PTPRU: variants seen among roughly 807,000 people sequenced by gnomAD.
The protein encoded by PTPRU is protein tyrosine phosphatase receptor type U.
A neutral mutation model predicts 166.3 loss-of-function variants in PTPRU; 69 were observed. That is an observed-to-expected ratio of 0.41 (90% CI 0.34 to 0.51). The LOEUF (loss-of-function observed/expected upper bound fraction) is 0.51, where lower values mean the gene tolerates loss of function less well. PTPRU is among the 20% of genes least tolerant of loss of function. The pLI is 0.09. For missense variants in PTPRU, 1,657 were observed against 2,013.7 expected (o/e 0.82, Z 3.39); for synonymous variants, 793 against 814.0 (o/e 0.97, Z 0.44).
intron 2 of PTPRU, among the ~76,000 whole-genome samples, chr1:29,258,089 C>T (rs1443332757): frequency 1.3e-5 from 2 of 152,114 alleles, no homozygotes; most frequent in Non-Finnish European, 2.9e-5. Flanking sequence ...TTCAGCCTCC[C>T]GAGTAGCTGG....
intron 7 of PTPRU, among the ~76,000 whole-genome samples, chr1:29,266,288 C>T (rs940258573): frequency 3.3e-5 from 5 of 151,998 alleles, no homozygotes; most frequent in Non-Finnish European, 5.9e-5. Flanking sequence ...CATGAGCCAC[C>T]GCGCCTGGCC....
At chr1:29,245,256 T>C (rs1684242547) in intron 1 of PTPRU, among the ~76,000 whole-genome samples, 2 of 152,166 alleles carry the variant, frequency 1.3e-5, no homozygotes, top group Admixed American at 1.3e-4. Flanking sequence ...TGGCCTATCC[T>C]GTGGGTGGCA....
intron 15 of PTPRU, among the ~76,000 whole-genome samples, chr1:29,301,706 T>C (rs1687141403): frequency 6.6e-6 from 1 of 152,108 alleles, no homozygotes; most frequent in South Asian, 2.1e-4. Flanking sequence ...TTACATTAGG[T>C]ATATCTCCTA....
rs772830059 is a variant in PTPRU, at chr1:29,237,537, G to A, written c.73+820G>A. Among the ~76,000 whole-genome samples, 96 of 151,956 alleles carry A rather than the reference G, an allele frequency of 6.3e-4. No individual in the cohort carries two copies. Among genetic ancestry groups the A allele is most frequent in the Non-Finnish European group, 1.1e-3 (74 of 67,884 alleles). Reference sequence around the variant, plus strand: ...CCCTGGTCCCGGGGCCGCCCGAGGGGGCGGTGGCAGGACGTGTGTGCGCGC... The same window carrying A: ...CCCTGGTCCCGGGGCCGCCCGAGGGAGCGGTGGCAGGACGTGTGTGCGCGC... On this transcript the variant is annotated intron_variant, in intron 1 of 29. Coordinates refer to ENST00000373779, the MANE Select transcript of PTPRU (RefSeq NM_133178.4). This position sits in a 1 kb window ranked among gnomAD's most constrained non-coding sequence, Gnocchi z 6.4.
At position 29,236,583 on chromosome 1, in the gene PTPRU, C is replaced by G; in HGVS notation, c.-62C>G. On this transcript the variant is annotated 5_prime_UTR_variant, in exon 1 of 30. Coordinates refer to ENST00000373779, the MANE Select transcript of PTPRU (RefSeq NM_133178.4). The surrounding 1 kb of genome is among the most constrained non-coding windows in gnomAD (Gnocchi z 4.6). The stretch of plus-strand genomic sequence containing the variant: ...GGGCTCCGGCTCGCCTCGGGCTGGG[C>G]TCGGGCTCCGGGGGCGGCGTCCCCC... The G allele has an allele frequency of 1.7e-6, 2 of 1,169,856 alleles. No individual in the cohort carries two copies. Among genetic ancestry groups the G allele is most frequent in the South Asian group, 4.2e-5 (1 of 23,884 alleles). The allele number at this position is 1,169,856 out of a possible 1,614,324, so 72.5% of individuals were successfully genotyped here. A position where few individuals can be genotyped will look rare whatever the true frequency, so the allele number is the denominator to read the frequency against.
At chr1:29,289,189 G>A (rs1332773549) in intron 14 of PTPRU, among the ~76,000 whole-genome samples, 1 of 152,192 alleles carries the variant, frequency 6.6e-6, no homozygotes, top group Non-Finnish European at 1.5e-5. Context: ...TAGAGAGTAT[G>A]AGTCTGTGTG....
At chr1:29,283,206 T>C (rs1277093640) in intron 12 of PTPRU, among the ~76,000 whole-genome samples, 2 of 145,884 alleles carry the variant, frequency 1.4e-5, no homozygotes, top group Non-Finnish European at 3.0e-5. Flanking sequence ...CTGCCTCCTT[T>C]TGCCCACCTC....
intron 1 of PTPRU, among the ~76,000 whole-genome samples, chr1:29,248,900 C>T (rs555311878): frequency 2.0e-5 from 3 of 152,194 alleles, no homozygotes; most frequent in Non-Finnish European, 4.4e-5. Flanking sequence ...TGCCCACCCT[C>T]ATGCACCTCT....
chr1:29,273,799 C>T (rs951796676), intron 7 of PTPRU, among the ~76,000 whole-genome samples: 3 of 152,100 alleles, frequency 2.0e-5, no homozygotes, highest in Admixed American at 2.0e-4. Context: ...GCTGGGGTAG[C>T]TCGCTCTCTC....
chr1:29,312,366 T>C lies in PTPRU; in HGVS notation c.3073-186T>C, dbSNP rs375676247. 8.5e-5 allele frequency among the ~76,000 whole-genome samples: 13 copies of C among 152,314 alleles called. No individual in the cohort carries two copies. In the East Asian group the frequency reaches 2.5e-3, roughly 29 times the overall value. On this transcript the variant is annotated intron_variant, in intron 21 of 29. Coordinates refer to ENST00000373779, the MANE Select transcript of PTPRU (RefSeq NM_133178.4). ...CTAACCTTGGGAAAGTGGTTTCTCC[T>C]CTTTGAGCCTTAGTTTTCTTGTTTG...
At chr1:29,250,926 T>G (rs1201930745) in intron 1 of PTPRU, among the ~76,000 whole-genome samples, 1 of 152,138 alleles carries the variant, frequency 6.6e-6, no homozygotes, top group African/African-American at 2.4e-5. Context: ...GAGACGGACA[T>G]GGGTCAGGGA....
chr1:29,308,734 T>C (rs763827328), intron 18 of PTPRU, among the ~76,000 whole-genome samples: 1 of 152,076 alleles, frequency 6.6e-6, no homozygotes, highest in East Asian at 1.9e-4. Flanking sequence ...TTAAAAAATA[T>C]ATTTCTTGGC....
chr1:29,282,891 C>A lies in PTPRU; in HGVS notation c.2084C>A (p.Pro695Gln). 6.2e-7 allele frequency: 1 copy of A among 1,614,130 alleles called. No homozygotes were observed. The highest frequency in any genetic ancestry group is 8.5e-7 in the Non-Finnish European group (1 of 1,179,992). The stretch of plus-strand genomic sequence containing the variant: ...ACCTACCGAGGCTTCTGGAACCCAC[C>A]ACTTGAGCCTAGGAAGGCCTATCTC... ...NQTYRGFWNP[P>Q]LEPRKAYLIY... is the part of the protein sequence containing the mutation. The change falls in exon 12 of 30, where the codon CCA (proline) becomes CAA (glutamine). Residue 695 changes from proline to glutamine, a missense_variant. Physicochemically the swap from Pro to Gln is moderately conservative, Grantham distance 76. Transcript: ENST00000373779.
At chr1:29,240,864 A>C (rs1231441256) in intron 1 of PTPRU, among the ~76,000 whole-genome samples, 1 of 110,778 alleles carries the variant, frequency 9.0e-6, no homozygotes, top group East Asian at 3.1e-4. Context: ...CTTAGTCCTC[A>C]GTCCTAGATC....
intron 14 of PTPRU, chr1:29,289,644 C>T (rs529394605): frequency 3.5e-5 from 57 of 1,613,564 alleles, no homozygotes; most frequent in South Asian, 1.4e-4. Context: ...GGACGGACCT[C>T]GGACACAACT....
chr1:29,320,470 C>A lies in PTPRU; in HGVS notation c.3688-215C>A. ...CTTTTGCTGTTTAGTTCTGGGGGGT[C>A]ATGGGCTTGGTCCCCAGAGGCCTGG... On this transcript the variant is annotated intron_variant, in intron 25 of 29. Coordinates refer to ENST00000373779, the MANE Select transcript of PTPRU (RefSeq NM_133178.4). The surrounding 1 kb of genome is among the most constrained non-coding windows in gnomAD (Gnocchi z 5.2). 2.3e-6 allele frequency: 1 copy of A among 434,516 alleles called. No homozygotes were observed. The highest frequency in any genetic ancestry group is 3.5e-5 in the East Asian group (1 of 28,616). The allele number at this position is 434,516 out of a possible 1,614,324, so 26.9% of individuals were successfully genotyped here.
rs565256309 is a variant in PTPRU at position 29,316,180 on chromosome 1, T to A, written c.3513+29T>A. The A allele has an allele frequency of 1.9e-6, 3 of 1,594,538 alleles. No homozygotes were observed. In the Admixed American group the frequency reaches 5.0e-5, roughly 27 times the overall value. Reference sequence around the variant, plus strand: ...GGGGATGAGTGCGTGTGTATAGGTGTGTGTGTGTGTGTCTGTGTGTGTGTT... The same window carrying A: ...GGGGATGAGTGCGTGTGTATAGGTGAGTGTGTGTGTGTCTGTGTGTGTGTT... On this transcript the variant is annotated intron_variant, in intron 24 of 29. Coordinates refer to ENST00000373779, the MANE Select transcript of PTPRU (RefSeq NM_133178.4).
Position 29,299,736 on chromosome 1 carries a change from C to A in PTPRU, c.2477-4119C>A, listed in dbSNP as rs370735107. The stretch of plus-strand genomic sequence containing the variant: ...TCTGCCAGGAGAGCTCTCTGTGGAG[C>A]TGTCGGCCCACTTTCCACAAAGAGC... On this transcript the variant is annotated intron_variant, in intron 15 of 29. Transcript: ENST00000373779. Among the ~76,000 whole-genome samples, 3 of 152,332 alleles carry A rather than the reference C, an allele frequency of 2.0e-5. No homozygotes were observed. In the East Asian group the frequency reaches 5.8e-4, roughly 29 times the overall value.
rs536660651 is a variant in PTPRU at position 29,236,911 on chromosome 1, C to T, written c.73+194C>T. On this transcript the variant is annotated intron_variant, in intron 1 of 29. Coordinates refer to ENST00000373779, the MANE Select transcript of PTPRU (RefSeq NM_133178.4). This position sits in a 1 kb window ranked among gnomAD's most constrained non-coding sequence, Gnocchi z 4.6. ...ATGTTGTGTGTCCGTGAGTTCTGTG[C>T]GCAAGAAAAGGTGATGTGTGTCGGC... Among the ~76,000 whole-genome samples, 11 of 152,170 alleles carry T rather than the reference C, an allele frequency of 7.2e-5. No homozygotes were observed. The highest frequency in any genetic ancestry group is 1.3e-4 in the Admixed American group (2 of 15,294).
Sources: gnomAD v4.1 joint callset for allele counts (sites outside exome capture counted in the v4.1 genomes callset) on GRCh38, gnomAD v4.1.1 for gene constraint, Gnocchi (gnomAD v3.1) non-coding constraint, MANE v1.5 for transcripts, NCBI Gene and HGNC (gene_info 2026-07-23, HGNC 2026-07-21) for gene names.